Variants in C8orf88 observed in about 807,000 individuals in gnomAD.
C8orf88 encodes the protein chromosome 8 open reading frame 88.
Under a neutral mutation model 18.4 loss-of-function variants are expected in C8orf88, and 14 were observed. The observed-to-expected ratio is 0.76, with a 90% confidence interval of 0.50 to 1.19. C8orf88 has a LOEUF of 1.19. Ranked by LOEUF, C8orf88 falls within the 50% of genes most tolerant of loss-of-function variation. The pLI is 0.00. For missense variants in C8orf88, 116 were observed against 134.7 expected (o/e 0.86, Z 0.69); for synonymous variants, 45 against 42.9 (o/e 1.05, Z -0.19).
intron 2 of C8orf88, among the ~76,000 whole-genome samples, 165 bp from the exon 3 acceptor site, chr8:90,978,817 G>A (rs1010466013): frequency 6.6e-6 from 1 of 152,168 alleles, no homozygotes; most frequent in African/African-American, 2.4e-5. Context: ...GTCAGATGCT[G>A]TGTTAAAAGG....
At chr8:90,978,304 A>C (rs1811381171) in intron 3 of C8orf88, among the ~76,000 whole-genome samples, 1 of 152,218 alleles carries the variant, frequency 6.6e-6, no homozygotes, top group South Asian at 2.1e-4. Context: ...ATCCATGGGC[A>C]GGACGGGAAG....
chr8:90,964,009 T>A (rs1368221659), intron 4 of C8orf88, among the ~76,000 whole-genome samples: 1 of 151,736 alleles, frequency 6.6e-6, no homozygotes, highest in Non-Finnish European at 1.5e-5. Context: ...CAACTTATGA[T>A]GGTTTGACTT....
chr8:90,983,990 A>G (rs1375950401), intron 1 of C8orf88, among the ~76,000 whole-genome samples: 1 of 152,134 alleles, frequency 6.6e-6, no homozygotes. Context: ...TCAATTTACC[A>G]TTTTTCTTAG....
At chr8:90,971,939 G>T (rs550028070) in intron 3 of C8orf88, among the ~76,000 whole-genome samples, 1 of 151,984 alleles carries the variant, frequency 6.6e-6, no homozygotes. Context: ...AAAATAATTG[G>T]TGTTCTGATT....
At chr8:90,967,034 C>T (rs1783296510) in intron 4 of C8orf88, among the ~76,000 whole-genome samples, 1 of 151,850 alleles carries the variant, frequency 6.6e-6, no homozygotes, top group Admixed American at 6.6e-5. Flanking sequence ...AACTTAAATA[C>T]CATTTATCAT....
rs1200962218 is a variant in C8orf88 at position 90,971,075 on chromosome 8, C to T, written c.214G>A (p.Val72Ile). The change falls in exon 4 of 6, where the codon GTT becomes ATT. Residue 72 changes from valine to isoleucine, a missense_variant. Coordinates refer to ENST00000517562, the MANE Select transcript of C8orf88 (RefSeq NM_001190972.2). The part of the protein sequence containing the change: ...LNEQQQQQSP[V>I]KKERIKYSRD... The stretch of plus-strand genomic sequence containing the variant: ...TATGATAAAATTTTACCTTTCTTAA[C>T]TGGAGACTGCTGTTGCTGTTGCTCA... 6.6e-7 allele frequency: 1 copy of T among 1,511,880 alleles called. No individual in the cohort carries two copies. Among genetic ancestry groups the T allele is most frequent in the South Asian group, 1.3e-5 (1 of 79,724 alleles). The allele number at this position is 1,511,880 out of a possible 1,614,324, so 93.7% of individuals were successfully genotyped here. A position where few individuals can be genotyped will look rare whatever the true frequency, so the allele number is the denominator to read the frequency against.
At chr8:90,983,597 ATTAATC>A (rs1007607834) in intron 1 of C8orf88, among the ~76,000 whole-genome samples, 2 of 152,162 alleles carry the variant, frequency 1.3e-5, no homozygotes, top group Non-Finnish European at 2.9e-5. Flanking sequence ...CCAAAATCTT[ATTAATC>A]TTATTTTTTA....
chr8:90,966,844 A>G (rs1313476547), intron 4 of C8orf88, among the ~76,000 whole-genome samples: 1 of 151,944 alleles, frequency 6.6e-6, no homozygotes, highest in Non-Finnish European at 1.5e-5. Flanking sequence ...ATGGCTGACT[A>G]GAAGTGGCAT....
intron 4 of C8orf88, among the ~76,000 whole-genome samples, chr8:90,969,733 T>A (rs1262587484): frequency 6.6e-6 from 1 of 151,918 alleles, no homozygotes; most frequent in Non-Finnish European, 1.5e-5. Context: ...ACAACAATTG[T>A]GAATGTACTA....
intron 3 of C8orf88, among the ~76,000 whole-genome samples, chr8:90,977,818 G>T (rs912352260): frequency 4.6e-5 from 7 of 152,032 alleles, no homozygotes; most frequent in African/African-American, 1.7e-4. Flanking sequence ...GTCGTGGCGG[G>T]TGCCTATAAT....
intron 5 of C8orf88, 124 bp downstream of exon 5, chr8:90,960,618 T>C: frequency 2.0e-6 from 1 of 499,526 alleles, no homozygotes; most frequent in Non-Finnish European, 3.5e-6. Flanking sequence ...TTTTTGTAGT[T>C]TTCTGAATTA....
rs765068251 is a variant in C8orf88 at position 90,960,743 on chromosome 8, G to A, written c.329C>T (p.Pro110Leu). The stretch of plus-strand genomic sequence containing the variant: ...ATACAAACTTAGAAAACTACTTACT[G>A]GTTTTTGCAGTACAATGGGATGATC... The part of the protein sequence containing the change: ...LPDHPIVLQK[P>L]ENNQSFK Residue 110 changes from proline to leucine, a missense_variant and splice_region_variant, in exon 5 of 6, where the codon CCA becomes CTA. Physicochemically the swap from Pro to Leu is moderately conservative, Grantham distance 98 (BLOSUM62 -3). Coordinates refer to ENST00000517562, the MANE Select transcript of C8orf88 (RefSeq NM_001190972.2). 1.3e-5 allele frequency: 20 copies of A among 1,511,284 alleles called. 2 individuals carry two copies. The Middle Eastern group carries it at 5.1e-4, about 39-fold the overall frequency. 93.6% of individuals were successfully genotyped at this position (1,511,284 alleles called of 1,614,324 possible).
chr8:90,983,699 A>G (rs558521990), intron 1 of C8orf88, among the ~76,000 whole-genome samples: 1 of 152,266 alleles, frequency 6.6e-6, no homozygotes, highest in East Asian at 1.9e-4. Flanking sequence ...GAAGAAAATT[A>G]TTATTAGTCC....
chr8:90,978,498 T>C (rs1038202823), intron 3 of C8orf88, 81 bp downstream of exon 3: 3 of 729,776 alleles, frequency 4.1e-6, no homozygotes, highest in African/African-American at 3.6e-5. Flanking sequence ...ATAAGCATAG[T>C]ATCTGGCACA....
chr8:90,966,225 TC>T (rs1358874139), intron 4 of C8orf88, among the ~76,000 whole-genome samples: 4 of 151,228 alleles, frequency 2.6e-5, no homozygotes, highest in African/African-American at 9.7e-5. Flanking sequence ...AAATTGGAAA[TC>T]GTCGTTCTCA....
chr8:90,971,420 T>C (rs1001532977), intron 3 of C8orf88, among the ~76,000 whole-genome samples: 6 of 152,072 alleles, frequency 3.9e-5, no homozygotes, highest in African/African-American at 1.4e-4. Flanking sequence ...AATAATTCCA[T>C]AGCCATTAAA....
chr8:90,972,787 T>C (rs1811301624), intron 3 of C8orf88, among the ~76,000 whole-genome samples: 1 of 152,136 alleles, frequency 6.6e-6, no homozygotes, highest in Non-Finnish European at 1.5e-5. Flanking sequence ...AACTCAAGGC[T>C]ACTATGTAAA....
At chr8:90,965,530 T>C (rs1811182054) in intron 4 of C8orf88, among the ~76,000 whole-genome samples, 1 of 151,714 alleles carries the variant, frequency 6.6e-6, no homozygotes, top group Non-Finnish European at 1.5e-5. Context: ...TACAACACTT[T>C]ACCCAACAAC....
At chr8:90,982,366 T>C (rs1339760592) in intron 1 of C8orf88, among the ~76,000 whole-genome samples, 1 of 152,176 alleles carries the variant, frequency 6.6e-6, no homozygotes, top group Non-Finnish European at 1.5e-5. Context: ...ATCCTAGCTA[T>C]TTTAGTTAAG....
Sources: gnomAD v4.1 joint callset for allele counts (sites outside exome capture counted in the v4.1 genomes callset) on GRCh38, gnomAD v4.1.1 for gene constraint, MANE v1.5 for transcripts, NCBI Gene and HGNC (gene_info 2026-07-23, HGNC 2026-07-21) for gene names.